STMN1: variants seen among roughly 807,000 people sequenced by gnomAD.
STMN1 encodes stathmin 1, also known as stathmin.
Under a neutral mutation model 19.7 loss-of-function variants are expected in STMN1, and 3 were observed. That is an observed-to-expected ratio of 0.15 (90% CI 0.07 to 0.39). STMN1 has a LOEUF of 0.39. STMN1 is among the 10% of genes least tolerant of loss of function. STMN1 has a pLI of 1.00. For synonymous variants in STMN1, 59 were observed against 58.9 expected (o/e 1.00, Z -0.01); for missense variants, 99 against 176.0 (o/e 0.56, Z 2.48).
chr1:25,906,627 C>T (rs559422000), upstream of STMN1, among the ~76,000 whole-genome samples: 8 of 152,018 alleles, frequency 5.3e-5, no homozygotes, highest in South Asian at 1.0e-3. This position sits in a 1 kb window ranked among gnomAD's most constrained non-coding sequence, Gnocchi z 4.5. Context: ...GGTTGCAGGG[C>T]GCCTGGGGAG....
rs1177841063 is a variant in STMN1, at chr1:25,901,265, C to G, written c.379-178G>C. On this transcript the variant is annotated intron_variant, in intron 4 of 4. Coordinates refer to ENST00000455785, the MANE Select transcript of STMN1 (RefSeq NM_005563.4). ...GACATCATCATCAAATCTCCTGGGT[C>G]CCTTGTAGAACCTAACAAGCTGCCT... 2.4e-6 allele frequency: 3 copies of G among 1,268,302 alleles called. No homozygotes were observed. The Middle Eastern group carries it at 8.3e-4, about 352-fold the overall frequency. 78.6% of individuals were successfully genotyped at this position (1,268,302 alleles called of 1,614,324 possible). A position where few individuals can be genotyped will look rare whatever the true frequency, so the allele number is the denominator to read the frequency against.
Position 25,900,717 on chromosome 1 carries a change from G to C in STMN1, c.*299C>G, listed in dbSNP as rs1179276828. ...CTCTTTTCACAAATATGTTTTCACA[G>C]AGCCAATACAGTACTAGCCATTAAC... On this transcript the variant is annotated 3_prime_UTR_variant, in exon 5 of 5. Transcript: ENST00000455785. The C allele has an allele frequency of 8.8e-7, 1 of 1,138,972 alleles. No individual in the cohort carries two copies. Among genetic ancestry groups the C allele is most frequent in the South Asian group, 3.4e-5 (1 of 29,248 alleles). The allele number at this position is 1,138,972 out of a possible 1,614,324, so 70.6% of individuals were successfully genotyped here. A position where few individuals can be genotyped will look rare whatever the true frequency, so the allele number is the denominator to read the frequency against.
downstream of STMN1, among the ~76,000 whole-genome samples, chr1:25,895,131 A>ATCGC (rs1265271157): frequency 2.2e-5 from 3 of 135,260 alleles, no homozygotes; most frequent in African/African-American, 8.3e-5. Context: ...GAGACACAGT[A>ATCGC]TCGCTCTGTT....
chr1:25,893,829 C>A (rs1039779716), intron 4 of STMN1, among the ~76,000 whole-genome samples: 2 of 152,338 alleles, frequency 1.3e-5, no homozygotes, highest in East Asian at 1.9e-4. Context: ...GTGTGAGCCA[C>A]TGCGCCTGGC....
chr1:25,897,978 T>C (rs2048833789), downstream of STMN1, among the ~76,000 whole-genome samples: 1 of 152,118 alleles, frequency 6.6e-6, no homozygotes, highest in African/African-American at 2.4e-5. Flanking sequence ...CAGCAGGCCC[T>C]CCCACCTCAT....
downstream of STMN1, among the ~76,000 whole-genome samples, chr1:25,899,599 CAA>C (rs2048849862): frequency 2.0e-5 from 3 of 152,168 alleles, no homozygotes; most frequent in South Asian, 2.1e-4. Context: ...ATTTCCAACT[CAA>C]GAGTATAAAC....
chr1:25,885,393 A>G, downstream of STMN1: 1 of 179,976 alleles, frequency 5.6e-6, no homozygotes, highest in Non-Finnish European at 1.2e-5. Context: ...CTAAGGTCCC[A>G]CTTGCCACGC....
chr1:25,899,882 C>G (rs531784400), downstream of STMN1, among the ~76,000 whole-genome samples: 51 of 152,238 alleles, frequency 3.4e-4, no homozygotes, highest in African/African-American at 1.2e-3. Flanking sequence ...AAGTGCTTGG[C>G]TTCCAAGAGC....
In STMN1 at chr1:25,905,667, C is replaced by T. The variant is rs369799021; in HGVS notation, c.-63+722G>A. The stretch of plus-strand genomic sequence containing the variant: ...GGTGGGCGGGGCTAACGGTCCAATC[C>T]GGGTAACTCCGCCCCTGCCTGACTC... On this transcript the variant is annotated intron_variant, in intron 1 of 4. Transcript: ENST00000455785. Among the ~76,000 whole-genome samples, 81 of 152,280 alleles carry T rather than the reference C, an allele frequency of 5.3e-4. 2 individuals carry two copies. The highest frequency in any genetic ancestry group is 1.9e-3 in the African/African-American group (78 of 41,560).
intron 3 of STMN1, chr1:25,902,483 A>G (rs2048887203): frequency 6.6e-6 from 1 of 152,230 alleles, no homozygotes; most frequent in Non-Finnish European, 1.5e-5. Flanking sequence ...TTGTCTCAGG[A>G]AACTGCATTA....
chr1:25,899,582 C>G (rs149742782), downstream of STMN1, among the ~76,000 whole-genome samples: 47 of 152,308 alleles, frequency 3.1e-4, no homozygotes, highest in African/African-American at 9.9e-4. Context: ...AATATAAAAA[C>G]TGCATAATTT....
intron 4 of STMN1, 197 bp downstream of exon 4, chr1:25,901,294 G>A: frequency 1.8e-6 from 2 of 1,096,396 alleles, no homozygotes; most frequent in Non-Finnish European, 2.5e-6. Context: ...GCTGCCTACT[G>A]GACTTCCAAG....
At position 25,904,544 on chromosome 1, in the gene STMN1, A is replaced by G. The variant is rs942481751; in HGVS notation, c.13+120T>C. ...TCATTTTTAAATTCTTCTCCTATTC[A>G]TAAAATAGGTTTTGGTAAGACCAAA... On this transcript the variant is annotated intron_variant, in intron 2 of 4. Coordinates refer to ENST00000455785, the MANE Select transcript of STMN1 (RefSeq NM_005563.4). 8.7e-6 allele frequency: 7 copies of G among 804,798 alleles called. No homozygotes were observed. The South Asian group carries it at 1.1e-4, about 13-fold the overall frequency. 49.9% of individuals were successfully genotyped at this position (804,798 alleles called of 1,614,324 possible).
Position 25,900,117 on chromosome 1 carries a change from T to C in STMN1, c.*899A>G. 2.0e-6 allele frequency: 2 copies of C among 985,844 alleles called. No individual in the cohort carries two copies. The highest frequency in any genetic ancestry group is 2.4e-6 in the Non-Finnish European group (2 of 829,938). 61.1% of individuals were successfully genotyped at this position (985,844 alleles called of 1,614,324 possible). A position where few individuals can be genotyped will look rare whatever the true frequency, so the allele number is the denominator to read the frequency against. On this transcript the variant is annotated 3_prime_UTR_variant, in exon 5 of 5. Coordinates refer to ENST00000455785, the MANE Select transcript of STMN1 (RefSeq NM_005563.4). ...TTCCCTTTAGTCATTTCACAGGAGTTGCTACAGCAGTACATAAAGTTTTAT... is the reference window on the plus strand; with the variant it reads ...TTCCCTTTAGTCATTTCACAGGAGTCGCTACAGCAGTACATAAAGTTTTAT...
At chr1:25,897,311 G>GA (rs745773752), downstream of STMN1, among the ~76,000 whole-genome samples, 21,279 of 93,926 alleles carry the variant, frequency 0.23, 2,028 homozygotes, top group East Asian at 0.43. Flanking sequence ...AGACTGTCTC[G>GA]AAAAAAAAAA....
At chr1:25,903,440 T>C in intron 3 of STMN1, 1 of 632,552 alleles carries the variant, frequency 1.6e-6, no homozygotes, top group South Asian at 2.0e-5. Context: ...CAACACCATG[T>C]ATTAAAGGAG....
chr1:25,890,574 G>A (rs2048763324), intron 4 of STMN1, among the ~76,000 whole-genome samples: 1 of 152,234 alleles, frequency 6.6e-6, no homozygotes, highest in South Asian at 2.1e-4. Flanking sequence ...TACAGGTTGT[G>A]TTGGCTCCAG....
At position 25,906,124 on chromosome 1, in the gene STMN1, G is replaced by C. The variant is rs1210603035; in HGVS notation, c.-63+265C>G. 2 of 152,016 alleles carry C rather than the reference G, an allele frequency of 1.3e-5. No individual in the cohort carries two copies. Among genetic ancestry groups the C allele is most frequent in the Non-Finnish European group, 2.9e-5 (2 of 68,026 alleles). 9.4% of individuals were successfully genotyped at this position (152,016 alleles called of 1,614,324 possible). A position where few individuals can be genotyped will look rare whatever the true frequency, so the allele number is the denominator to read the frequency against. ...GGCCCACGCCCCCTATTGTCTCCTC[G>C]ACGGCACCCCGGAGCGGACGCCCGG... On this transcript the variant is annotated intron_variant, in intron 1 of 4. Transcript: ENST00000455785. The surrounding 1 kb of genome is among the most constrained non-coding windows in gnomAD (Gnocchi z 4.5).
chr1:25,904,157 AT>A (rs924157969), intron 2 of STMN1, among the ~76,000 whole-genome samples: 1 of 151,982 alleles, frequency 6.6e-6, no homozygotes, highest in Admixed American at 6.6e-5. Flanking sequence ...TACAAAAAAA[AT>A]TTTTTTTGAT....
Sources: allele counts gnomAD v4.1 joint callset (sites outside exome capture counted in the v4.1 genomes callset), GRCh38; gene constraint gnomAD v4.1.1; non-coding constraint Gnocchi (gnomAD v3.1); transcripts MANE v1.5; gene names NCBI Gene and HGNC (gene_info 2026-07-23, HGNC 2026-07-21).